Variants in LARP1B observed in about 807,000 individuals in gnomAD.
The protein encoded by LARP1B is la-related protein 1B.
Under a neutral mutation model 114.2 loss-of-function variants are expected in LARP1B, and 76 were observed. The observed-to-expected ratio is 0.67, with a 90% CI of 0.55 to 0.81. The LOEUF (loss-of-function observed/expected upper bound fraction) is 0.81, where lower values mean the gene tolerates loss of function less well. Ranked by LOEUF, LARP1B falls within the 30% of genes least tolerant of loss-of-function variation. The pLI is 0.00. For synonymous variants in LARP1B, 345 were observed against 348.0 expected, an observed-to-expected ratio of 0.99 and a Z score of 0.10; for missense variants, 1,014 against 1,075.8, an observed-to-expected ratio of 0.94 and a Z score of 0.80.
At chr4:128,177,512 C>T (rs192269908) in intron 13 of LARP1B, among the ~76,000 whole-genome samples, 1 of 150,572 alleles carries the variant, frequency 6.6e-6, no homozygotes, top group East Asian at 1.9e-4. Context: ...GTAAAATAAC[C>T]GAATAAAAAA....
chr4:128,190,464 C>G (rs894799635), intron 15 of LARP1B, among the ~76,000 whole-genome samples: 1 of 152,124 alleles, frequency 6.6e-6, no homozygotes, highest in African/African-American at 2.4e-5. Context: ...TGTGTTCCCA[C>G]CCGTCTCATC....
intron 15 of LARP1B, among the ~76,000 whole-genome samples, chr4:128,179,975 A>G (rs1293513368): frequency 2.0e-5 from 3 of 151,864 alleles, no homozygotes; most frequent in African/African-American, 7.3e-5. Flanking sequence ...ATTTTTTTTT[A>G]TAAGAAAGAA....
At chr4:128,185,226 G>A (rs754340389) in intron 15 of LARP1B, among the ~76,000 whole-genome samples, 7 of 152,088 alleles carry the variant, frequency 4.6e-5, no homozygotes, top group Non-Finnish European at 8.8e-5. Context: ...TGGTAGTTCT[G>A]TTTTTGTTTT....
At chr4:128,073,470 C>T (rs533467491) in intron 1 of LARP1B, among the ~76,000 whole-genome samples, 1 of 135,252 alleles carries the variant, frequency 7.4e-6, no homozygotes, top group Non-Finnish European at 1.6e-5. Context: ...GAAATACTAC[C>T]TCATACTCTT....
At position 128,210,609 on chromosome 4, in the gene LARP1B, ATAGTT is replaced by A. The variant is rs1758812247; in HGVS notation, c.*559_*563del. ...TACCTTTAGTATCCCTTTGAGACATATAGTTTAAAGAAAACTTTTTTTAAAACAAA... is the reference window on the plus strand; with the variant it reads ...TACCTTTAGTATCCCTTTGAGACATATAAAGAAAACTTTTTTTAAAACAAA... On this transcript the variant is annotated 3_prime_UTR_variant, in exon 20 of 20. Transcript: ENST00000326639. 3 of 926,904 alleles carry A rather than the reference ATAGTT, an allele frequency of 3.2e-6. No individual in the cohort carries two copies. Among genetic ancestry groups the A allele is most frequent in the African/African-American group, 1.8e-5 (1 of 56,022 alleles). The allele number at this position is 926,904 out of a possible 1,614,324, so 57.4% of individuals were successfully genotyped here. A position where few individuals can be genotyped will look rare whatever the true frequency, so the allele number is the denominator to read the frequency against.
chr4:128,161,985 CATT>C (rs1270940869), intron 11 of LARP1B, among the ~76,000 whole-genome samples: 4 of 151,990 alleles, frequency 2.6e-5, no homozygotes, highest in African/African-American at 4.8e-5. Context: ...ATTATAAAAT[CATT>C]ATAATATTTT....
chr4:128,107,884 C>T (rs1309566004), intron 9 of LARP1B: 6 of 1,535,760 alleles, frequency 3.9e-6, no homozygotes, highest in Non-Finnish European at 4.4e-6. Flanking sequence ...TTTTTTCAGT[C>T]AGGGTGATGA....
chr4:128,190,677 C>T (rs62336167), intron 15 of LARP1B, among the ~76,000 whole-genome samples: 3,102 of 152,260 alleles, frequency 0.02, 50 homozygotes, highest in Middle Eastern at 0.054. Context: ...CCTGCTTCCC[C>T]TCCCACCACG....
intron 11 of LARP1B, chr4:128,156,068 C>T: frequency 6.3e-7 from 1 of 1,593,900 alleles, no homozygotes. Context: ...CCCTCCCTAA[C>T]TCCTTTCACC....
chr4:128,193,020 G>C (rs76134609), intron 15 of LARP1B, among the ~76,000 whole-genome samples: 1 of 151,866 alleles, frequency 6.6e-6, no homozygotes, highest in Non-Finnish European at 1.5e-5. Flanking sequence ...TTTTTGTTGC[G>C]ACAAGATCTT....
At position 128,075,374 on chromosome 4, in the gene LARP1B, A is replaced by G. The variant is rs1278895893; in HGVS notation, c.42+381A>G. On this transcript the variant is annotated intron_variant, in intron 3 of 19. Transcript: ENST00000326639. Reference sequence around the variant, plus strand: ...AAATGTTGAGATTACAGTATGAGCTACCATTCTGGCTGAGGAACAGATTTA... The same window carrying G: ...AAATGTTGAGATTACAGTATGAGCTGCCATTCTGGCTGAGGAACAGATTTA... Among the ~76,000 whole-genome samples, 3 of 151,766 alleles carry G rather than the reference A, an allele frequency of 2.0e-5. No homozygotes were observed. In the East Asian group the frequency reaches 5.8e-4, roughly 30 times the overall value.
At chr4:128,076,886 T>C (rs1768141966) in intron 3 of LARP1B, among the ~76,000 whole-genome samples, 1 of 152,080 alleles carries the variant, frequency 6.6e-6, no homozygotes, top group Non-Finnish European at 1.5e-5. Flanking sequence ...CCACCACGCC[T>C]GGCTAATTTT....
At chr4:128,157,181 A>C (rs1174269792) in intron 11 of LARP1B, among the ~76,000 whole-genome samples, 7 of 152,200 alleles carry the variant, frequency 4.6e-5, no homozygotes, top group Admixed American at 4.6e-4. Context: ...ATAGAGCCAG[A>C]AACTTTAAAA....
chr4:128,170,137 TA>T lies in LARP1B; in HGVS notation c.1649-6734del, dbSNP rs544694499. On this transcript the variant is annotated intron_variant, in intron 12 of 19. Transcript: ENST00000326639. The stretch of plus-strand genomic sequence containing the variant: ...TCAGTTACCCCTCTGTTATTAATCT[TA>T]TTGATATATAGTTTAATTATATTAT... 5.0e-3 allele frequency among the ~76,000 whole-genome samples: 762 copies of T among 152,312 alleles called. 8 individuals are homozygous for T. The highest frequency in any genetic ancestry group is 8.2e-3 in the Non-Finnish European group (558 of 68,034).
At chr4:128,168,174 A>G (rs189678422) in intron 12 of LARP1B, among the ~76,000 whole-genome samples, 208 of 152,136 alleles carry the variant, frequency 1.4e-3, no homozygotes, top group Admixed American at 3.9e-3. Context: ...ACTTTTTAAG[A>G]AACTGTCTAA....
chr4:128,197,526 T>C (rs1285074947), intron 15 of LARP1B, among the ~76,000 whole-genome samples: 1 of 152,112 alleles, frequency 6.6e-6, no homozygotes, highest in Non-Finnish European at 1.5e-5. Flanking sequence ...AAACCCCATC[T>C]CTACTAAAAA....
intron 11 of LARP1B, among the ~76,000 whole-genome samples, chr4:128,148,155 G>A (rs1364592530): frequency 6.6e-6 from 1 of 152,192 alleles, no homozygotes; most frequent in Non-Finnish European, 1.5e-5. Context: ...CTAAAGCTGG[G>A]CGCGGTGGCA....
chr4:128,149,814 G>C (rs932050555), intron 11 of LARP1B, among the ~76,000 whole-genome samples: 42 of 152,248 alleles, frequency 2.8e-4, no homozygotes, highest in African/African-American at 1.0e-3. Context: ...AAAAGGAGAG[G>C]GAACAATTGA....
chr4:128,138,209 A>G (rs982178766), intron 11 of LARP1B, among the ~76,000 whole-genome samples: 1 of 152,194 alleles, frequency 6.6e-6, no homozygotes, highest in African/African-American at 2.4e-5. Context: ...AAAGGCTAGA[A>G]TTAAGCTTAT....
Sources: gnomAD v4.1 joint callset for allele counts (sites outside exome capture counted in the v4.1 genomes callset) on GRCh38, gnomAD v4.1.1 for gene constraint, MANE v1.5 for transcripts, NCBI Gene and HGNC (gene_info 2026-07-23, HGNC 2026-07-21) for gene names.